MAP3K20: variants seen among roughly 807,000 people sequenced by gnomAD.
MAP3K20 encodes mitogen-activated protein kinase kinase kinase 20.
Under a neutral mutation model 85.7 loss-of-function variants are expected in MAP3K20, and 40 were observed. The ratio of observed to expected loss-of-function variants is 0.47; its 90% CI spans 0.36 to 0.61. The LOEUF (loss-of-function observed/expected upper bound fraction) is 0.61. Among genes scored for constraint, MAP3K20 ranks in the 20% least tolerant of loss-of-function variants. MAP3K20 has a pLI of 0.00. For synonymous variants in MAP3K20, 325 were observed against 327.7 expected (o/e 0.99, Z 0.09); for missense variants, 817 against 961.7 (o/e 0.85, Z 1.99).
intron 2 of MAP3K20, among the ~76,000 whole-genome samples, chr2:173,157,319 G>T (rs1330661155): frequency 9.5e-6 from 1 of 105,276 alleles, no homozygotes; most frequent in South Asian, 2.9e-4. Context: ...TTAGGGTTTG[G>T]TACCTTTTTT....
chr2:173,240,722 C>T (rs1233527112), intron 16 of MAP3K20, among the ~76,000 whole-genome samples: 1 of 152,152 alleles, frequency 6.6e-6, no homozygotes, highest in Non-Finnish European at 1.5e-5. Flanking sequence ...AACCTTCGTA[C>T]ACTGTTGGTG....
At chr2:173,218,024 T>TC (rs1485229064) in intron 11 of MAP3K20, among the ~76,000 whole-genome samples, 1 of 152,208 alleles carries the variant, frequency 6.6e-6, no homozygotes, top group Non-Finnish European at 1.5e-5. Context: ...TTGTTTTTTT[T>TC]CCCAGGGTTT....
chr2:173,220,060 T>C (rs1417002772), intron 11 of MAP3K20, among the ~76,000 whole-genome samples: 1 of 43,144 alleles, frequency 2.3e-5, no homozygotes, highest in Non-Finnish European at 4.5e-5. Context: ...AGTGCTAGAC[T>C]CTGTCTCAAA....
chr2:173,080,329 C>G (rs1686979316), intron 1 of MAP3K20, among the ~76,000 whole-genome samples: 1 of 152,214 alleles, frequency 6.6e-6, no homozygotes, highest in Non-Finnish European at 1.5e-5. Context: ...ATACGCAGAG[C>G]TGCTTGCCCA....
chr2:173,203,757 CCT>C, intron 8 of MAP3K20, 37 bp from the exon 9 acceptor site: 1 of 1,447,970 alleles, frequency 6.9e-7, no homozygotes, highest in South Asian at 1.1e-5. Context: ...TGAATAAATC[CCT>C]GTTTTATTTT....
chr2:173,150,224 T>G (rs960277711), intron 2 of MAP3K20, among the ~76,000 whole-genome samples: 1 of 152,244 alleles, frequency 6.6e-6, no homozygotes, highest in Non-Finnish European at 1.5e-5. Context: ...AATTTATTTT[T>G]TAAAATAGCA....
At chr2:173,196,231 G>A (rs192069815) in intron 7 of MAP3K20, among the ~76,000 whole-genome samples, 23 of 152,180 alleles carry the variant, frequency 1.5e-4, no homozygotes, top group Admixed American at 7.2e-4. Context: ...CTTGCCCTTC[G>A]TATCTTTTCC....
At chr2:173,256,100 A>G (rs953219867) in intron 16 of MAP3K20, among the ~76,000 whole-genome samples, 3 of 152,244 alleles carry the variant, frequency 2.0e-5, no homozygotes, top group African/African-American at 7.2e-5. Flanking sequence ...AGGGCCAGAC[A>G]TGGGCCCTGC....
Position 173,266,679 on chromosome 2 carries a change from C to A in MAP3K20, c.2332C>A (p.His778Asn), listed in dbSNP as rs1166897586. The A allele has an allele frequency of 6.2e-7, 1 of 1,606,202 alleles. No individual in the cohort carries two copies. The highest frequency in any genetic ancestry group is 1.1e-5 in the South Asian group (1 of 90,184). Residue 778 changes from histidine (H) to asparagine (N), a missense_variant, in exon 20 of 20, where the codon CAC becomes AAC. Coordinates refer to ENST00000375213, the MANE Select transcript of MAP3K20 (RefSeq NM_016653.3). Reference protein sequence around the residue: ...WTKVEYRKKPHRPSPAKTNKE... With the variant: ...WTKVEYRKKPNRPSPAKTNKE... ...AAAAGTGGAATACCGGAAAAAGCCCCACAGGCCATCTCCCGCCAAAACCAA... is the reference window on the plus strand; with the variant it reads ...AAAAGTGGAATACCGGAAAAAGCCCAACAGGCCATCTCCCGCCAAAACCAA...
At chr2:173,164,353 T>C (rs181720368) in intron 2 of MAP3K20, among the ~76,000 whole-genome samples, 1 of 152,352 alleles carries the variant, frequency 6.6e-6, no homozygotes, top group East Asian at 1.9e-4. Context: ...CATGTATGTC[T>C]TCTTTTGAAA....
intron 2 of MAP3K20, among the ~76,000 whole-genome samples, chr2:173,134,428 A>ATTT (rs1274644433): frequency 0.05 from 157 of 3,162 alleles, 58 homozygotes; most frequent in East Asian, 0.43. Flanking sequence ...ATATATATAT[A>ATTT]TTTTTTTTTT....
chr2:173,206,744 C>T (rs1003657508), intron 9 of MAP3K20, among the ~76,000 whole-genome samples: 1 of 152,094 alleles, frequency 6.6e-6, no homozygotes, highest in Non-Finnish European at 1.5e-5. Flanking sequence ...GTAATTGTTA[C>T]ATGTATTTGC....
intron 2 of MAP3K20, among the ~76,000 whole-genome samples, chr2:173,116,585 C>T (rs1365393059): frequency 6.6e-6 from 1 of 152,194 alleles, no homozygotes; most frequent in Non-Finnish European, 1.5e-5. Flanking sequence ...TTGCTTTGGC[C>T]GCAGGCTCAT....
At chr2:173,208,760 C>T (rs1683776755) in intron 9 of MAP3K20, among the ~76,000 whole-genome samples, 1 of 152,150 alleles carries the variant, frequency 6.6e-6, no homozygotes, top group Non-Finnish European at 1.5e-5. Context: ...TGTTTTTGTG[C>T]TCTTAAATTA....
At chr2:173,124,767 A>G (rs1442181008) in intron 2 of MAP3K20, among the ~76,000 whole-genome samples, 3 of 152,180 alleles carry the variant, frequency 2.0e-5, no homozygotes, top group Admixed American at 1.3e-4. Flanking sequence ...AGCAGCAACA[A>G]ACAAGAAAGA....
chr2:173,087,432 G>T (rs1324830491), intron 1 of MAP3K20, among the ~76,000 whole-genome samples: 2 of 152,166 alleles, frequency 1.3e-5, no homozygotes, highest in East Asian at 3.8e-4. Flanking sequence ...GAAATGAGAT[G>T]ACATGAAGTC....
chr2:173,199,925 A>T (rs925010313), intron 8 of MAP3K20, among the ~76,000 whole-genome samples: 1 of 152,214 alleles, frequency 6.6e-6, no homozygotes, highest in Non-Finnish European at 1.5e-5. Context: ...CCTCTTCAAC[A>T]TTATACATGC....
chr2:173,185,759 G>A (rs141289315), intron 4 of MAP3K20, among the ~76,000 whole-genome samples: 36 of 152,316 alleles, frequency 2.4e-4, no homozygotes, highest in African/African-American at 7.9e-4. Flanking sequence ...ATGGAGGGTG[G>A]ACCAGCAAGT....
intron 10 of MAP3K20, among the ~76,000 whole-genome samples, chr2:173,214,721 T>C (rs1684017680): frequency 6.6e-6 from 1 of 152,232 alleles, no homozygotes; most frequent in Non-Finnish European, 1.5e-5. Flanking sequence ...CTAGTTGACA[T>C]TGACCTTGAT....
Sources: gnomAD v4.1 joint callset for allele counts (sites outside exome capture counted in the v4.1 genomes callset) on GRCh38, gnomAD v4.1.1 for gene constraint, MANE v1.5 for transcripts, NCBI Gene and HGNC (gene_info 2026-07-23, HGNC 2026-07-21) for gene names.